CEP135: variants seen among roughly 807,000 people sequenced by gnomAD.
The protein encoded by CEP135 is centrosomal protein of 135 kDa.
Under a neutral mutation model 157.3 loss-of-function variants are expected in CEP135, and 142 were observed. The ratio of observed to expected loss-of-function variants is 0.90; its 90% CI spans 0.79 to 1.04. The LOEUF (loss-of-function observed/expected upper bound fraction) is 1.04, where lower values mean the gene tolerates loss of function less well. CEP135 is among the 50% of genes least tolerant of loss of function. CEP135 has a pLI of 0.00. For synonymous variants in CEP135, 396 were observed against 439.8 expected, an observed-to-expected ratio of 0.90 and a Z score of 1.25; for missense variants, 1,317 against 1,309.2, an observed-to-expected ratio of 1.01 and a Z score of -0.09.
At chr4:56,003,033 GA>G (rs1247086953) in intron 17 of CEP135, among the ~76,000 whole-genome samples, 2 of 152,052 alleles carry the variant, frequency 1.3e-5, no homozygotes, top group Non-Finnish European at 2.9e-5. Flanking sequence ...TGTCTTTCAT[GA>G]TTCCTTGTAT....
At chr4:55,981,755 A>G (rs1729417755) in intron 13 of CEP135, among the ~76,000 whole-genome samples, 1 of 152,206 alleles carries the variant, frequency 6.6e-6, no homozygotes, top group South Asian at 2.1e-4. Context: ...ATACCATACA[A>G]TTCACCCACT....
At chr4:55,963,753 AAAAG>A (rs1362840890) in intron 6 of CEP135, among the ~76,000 whole-genome samples, 15 of 152,372 alleles carry the variant, frequency 9.8e-5, no homozygotes, top group African/African-American at 3.6e-4. Flanking sequence ...CTCAAAAAGA[AAAAG>A]AAAAAGCCAA....
At chr4:55,988,031 A>T (rs1301404470) in intron 14 of CEP135, among the ~76,000 whole-genome samples, 1 of 152,226 alleles carries the variant, frequency 6.6e-6, no homozygotes, top group Non-Finnish European at 1.5e-5. Flanking sequence ...TGAATAATAC[A>T]ATTTACCTAT....
chr4:55,994,439 C>T (rs1335194098), intron 15 of CEP135, among the ~76,000 whole-genome samples: 1 of 152,070 alleles, frequency 6.6e-6, no homozygotes, highest in East Asian at 1.9e-4. Context: ...CCTAGCTACC[C>T]GAGAGGCTGA....
intron 14 of CEP135, among the ~76,000 whole-genome samples, chr4:55,988,167 C>T (rs546991533): frequency 3.3e-5 from 5 of 151,578 alleles, no homozygotes; most frequent in Admixed American, 1.3e-4. Flanking sequence ...CATAAATTTT[C>T]CCCAACTTGA....
chr4:56,011,619 T>C (rs925887922), intron 20 of CEP135, 97 bp downstream of exon 20: 1 of 1,010,816 alleles, frequency 9.9e-7, no homozygotes, highest in African/African-American at 1.7e-5. Flanking sequence ...CATTTTAAAG[T>C]AGAGATCTTG....
intron 17 of CEP135, among the ~76,000 whole-genome samples, chr4:56,001,872 T>C (rs567678027): frequency 2.0e-5 from 3 of 152,276 alleles, no homozygotes; most frequent in Admixed American, 2.0e-4. Context: ...ATTCCTTCAA[T>C]CCATGAGTAT....
In CEP135 at chr4:56,017,807, A is replaced by G; in HGVS notation, c.2962A>G (p.Lys988Glu). 6.2e-7 allele frequency: 1 copy of G among 1,613,636 alleles called. No individual in the cohort carries two copies. Among genetic ancestry groups the G allele is most frequent in the South Asian group, 1.1e-5 (1 of 91,050 alleles). ...ACTTTGCATTAAACTTGATTCAGGCAAAGATATTATGACCCAGCAATTGAA... is the reference window on the plus strand; with the variant it reads ...ACTTTGCATTAAACTTGATTCAGGCGAAGATATTATGACCCAGCAATTGAA... The part of the protein sequence containing the change: ...RELCIKLDSG[K>E]DIMTQQLNSK... The change falls in exon 22 of 26, where the codon AAA becomes GAA. Residue 988 changes from lysine to glutamate, a missense_variant. Physicochemically the swap from Lys to Glu is moderately conservative, Grantham distance 56 (BLOSUM62 1). Transcript: ENST00000257287.
At chr4:55,959,231 GT>G (rs1560398272) in intron 5 of CEP135, among the ~76,000 whole-genome samples, 1 of 152,184 alleles carries the variant, frequency 6.6e-6, no homozygotes, top group African/African-American at 2.4e-5. Flanking sequence ...GAAGGAATAG[GT>G]TTTTTGCTGT....
chr4:56,002,490 T>C lies in CEP135; in HGVS notation c.2280+2845T>C, dbSNP rs1447946466. 2.6e-5 allele frequency among the ~76,000 whole-genome samples: 4 copies of C among 152,174 alleles called. No homozygotes were observed. The East Asian group carries it at 7.7e-4, about 29-fold the overall frequency. ...CTTTTTCAGCATCTATTGAAATGAT[T>C]TATATGGTTTCTCTTCTTGCTTCTG... On this transcript the variant is annotated intron_variant, in intron 17 of 25. Transcript: ENST00000257287.
intron 9 of CEP135, 55 bp from the exon 10 acceptor site, chr4:55,971,215 C>T (rs1275084850): frequency 9.6e-6 from 13 of 1,358,322 alleles, no homozygotes; most frequent in South Asian, 2.9e-5. Context: ...ATCTTAAGTG[C>T]GATAATATTT....
rs932795942 is a variant in CEP135 at position 55,980,144 on chromosome 4, G to T, written c.1475G>T (p.Gly492Val). The T allele has an allele frequency of 1.2e-6, 2 of 1,607,840 alleles. No individual in the cohort carries two copies. The highest frequency in any genetic ancestry group is 1.7e-6 in the Non-Finnish European group (2 of 1,176,972). ...TTTTGTTTTTTAATTATGTTTCAGG[G>T]TGATTACAATTCAGAAATTCATCAG... ...KSSIFRTPEK[G>V]DYNSEIHQIT... Residue 492 changes from glycine (G) to valine (V), a missense_variant and splice_region_variant, in exon 12 of 26, where the codon GGT becomes GTT. Coordinates refer to ENST00000257287, the MANE Select transcript of CEP135 (RefSeq NM_025009.5).
intron 4 of CEP135, among the ~76,000 whole-genome samples, chr4:55,955,484 G>A (rs1297744399): frequency 6.6e-6 from 1 of 152,134 alleles, no homozygotes; most frequent in Non-Finnish European, 1.5e-5. Context: ...TCAGTGGAGC[G>A]TGAGATAGTT....
chr4:56,020,613 C>A, intron 23 of CEP135, 63 bp from the exon 24 acceptor site: 1 of 1,320,028 alleles, frequency 7.6e-7, no homozygotes, highest in Non-Finnish European at 1.1e-6. Context: ...ATTTAAAAAA[C>A]CCACAGCACC....
At chr4:55,974,116 C>T (rs1426800313) in intron 10 of CEP135, among the ~76,000 whole-genome samples, 1 of 152,148 alleles carries the variant, frequency 6.6e-6, no homozygotes, top group Non-Finnish European at 1.5e-5. Flanking sequence ...TGGTGCTGGG[C>T]ATGTAGTAAA....
intron 5 of CEP135, among the ~76,000 whole-genome samples, chr4:55,958,982 G>A (rs1305823118): frequency 6.6e-6 from 1 of 152,166 alleles, no homozygotes; most frequent in African/African-American, 2.4e-5. Context: ...GTACTTGGGA[G>A]GCTGAGGTGA....
chr4:56,002,964 T>C (rs1393144431), intron 17 of CEP135, among the ~76,000 whole-genome samples: 1 of 152,194 alleles, frequency 6.6e-6, no homozygotes, highest in Admixed American at 6.5e-5. Flanking sequence ...AGCTTGTAAG[T>C]GTCCAGGAAT....
chr4:55,993,050 T>G (rs543210153), intron 15 of CEP135, among the ~76,000 whole-genome samples: 2 of 152,196 alleles, frequency 1.3e-5, no homozygotes, highest in Admixed American at 6.5e-5. Context: ...CATGAAACAG[T>G]GACAACTTGA....
At chr4:55,977,177 C>T (rs536582550) in intron 11 of CEP135, among the ~76,000 whole-genome samples, 8 of 152,168 alleles carry the variant, frequency 5.3e-5, no homozygotes, top group Non-Finnish European at 1.0e-4. Flanking sequence ...CCACAAAGAT[C>T]ATTCTACAGC....
Sources: gnomAD v4.1 joint callset for allele counts (sites outside exome capture counted in the v4.1 genomes callset) on GRCh38, gnomAD v4.1.1 for gene constraint, MANE v1.5 for transcripts, NCBI Gene and HGNC (gene_info 2026-07-23, HGNC 2026-07-21) for gene names.